The following HERC6 variants were observed in gnomAD, a reference collection of about 807,000 sequenced individuals.
HERC6 encodes probable E3 ubiquitin-protein ligase HERC6.
Under a neutral mutation model 114.5 loss-of-function variants are expected in HERC6, and 101 were observed. The ratio of observed to expected loss-of-function variants is 0.88; its 90% CI spans 0.75 to 1.04. HERC6 has a LOEUF of 1.04. Ranked by LOEUF, HERC6 falls within the 50% of genes least tolerant of loss-of-function variation. HERC6 has a pLI of 0.00. For missense variants in HERC6, 1,133 were observed against 1,230.9 expected, an observed-to-expected ratio of 0.92 and a Z score of 1.19; for synonymous variants, 408 against 436.2, an observed-to-expected ratio of 0.94 and a Z score of 0.81.
intron 17 of HERC6, among the ~76,000 whole-genome samples, chr4:88,431,729 T>C (rs1738239238): frequency 6.6e-6 from 1 of 152,150 alleles, no homozygotes; most frequent in South Asian, 2.1e-4. Context: ...TACAGGCGTA[T>C]GTCACACCAG....
chr4:88,430,318 C>T (rs965632058), intron 16 of HERC6, among the ~76,000 whole-genome samples: 4 of 151,686 alleles, frequency 2.6e-5, no homozygotes, highest in African/African-American at 4.8e-5. Context: ...GGGCCAGGTG[C>T]GGTGGCTCAC....
At chr4:88,384,949 G>A (rs781708210) in intron 2 of HERC6, among the ~76,000 whole-genome samples, 1 of 152,076 alleles carries the variant, frequency 6.6e-6, no homozygotes, top group African/African-American at 2.4e-5. Context: ...CTTGAACCCG[G>A]GAGGAGGAGG....
chr4:88,392,357 A>C (rs1734967653), intron 4 of HERC6, among the ~76,000 whole-genome samples: 1 of 150,548 alleles, frequency 6.6e-6, no homozygotes, highest in African/African-American at 2.4e-5. Flanking sequence ...CTTGAAGCTT[A>C]GCTTTCTAGG....
At chr4:88,381,033 A>G (rs1734288942) in intron 1 of HERC6, among the ~76,000 whole-genome samples, 1 of 152,180 alleles carries the variant, frequency 6.6e-6, no homozygotes, top group East Asian at 1.9e-4. Flanking sequence ...ATTGCTGCAT[A>G]ACATTCTAAA....
rs116762586 is a variant in HERC6 at position 88,381,231 on chromosome 4, C to A, written c.200-1990C>A. Among the ~76,000 whole-genome samples the A allele has an allele frequency of 4.5e-3, 678 of 152,158 alleles. 6 individuals carry two copies. Among genetic ancestry groups the A allele is most frequent in the African/African-American group, 0.016 (649 of 41,510 alleles). On this transcript the variant is annotated intron_variant, in intron 1 of 22. Coordinates refer to ENST00000264346, the MANE Select transcript of HERC6 (RefSeq NM_017912.4). The stretch of plus-strand genomic sequence containing the variant: ...TTTTCCTCTACCCTCTTAGGTTCAG[C>A]GGCTGGGTCCTGCAAACTTAACTGA...
intron 17 of HERC6, 92 bp downstream of exon 17, chr4:88,431,397 G>T (rs1738191752): frequency 7.3e-7 from 1 of 1,374,748 alleles, no homozygotes; most frequent in Non-Finnish European, 9.9e-7. Context: ...GTAAAATTAG[G>T]TCATATAGAG....
At position 88,385,523 on chromosome 4, in the gene HERC6, A is replaced by G. The variant is rs1560532799; in HGVS notation, c.384A>G (p.Ile128Met). The G allele has an allele frequency of 6.7e-7, 1 of 1,486,046 alleles. No individual in the cohort carries two copies. The highest frequency in any genetic ancestry group is 2.5e-5 in the East Asian group (1 of 40,038). 92.1% of individuals were successfully genotyped at this position (1,486,046 alleles called of 1,614,324 possible). The stretch of plus-strand genomic sequence containing the variant: ...GGAAAATAATGACTCTGAATGATAT[A>G]AAAATAATACAAGTTTCCTGTGGAC... ...TPKKIMTLNDIKIIQVSCGHY... is the reference protein window; with the variant it reads ...TPKKIMTLNDMKIIQVSCGHY... Residue 128 changes from isoleucine to methionine, a missense_variant, in exon 3 of 23, where the codon ATA (isoleucine) becomes ATG (methionine). Physicochemically the swap from Ile to Met is conservative, Grantham distance 10. Coordinates refer to ENST00000264346, the MANE Select transcript of HERC6 (RefSeq NM_017912.4).
In HERC6 at chr4:88,435,721, C is replaced by G. The variant is rs201681179; in HGVS notation, c.2251-4C>G. On this transcript the variant is annotated splice_polypyrimidine_tract_variant and splice_region_variant and intron_variant, in intron 17 of 22. Transcript: ENST00000264346. ...ACCTTAGGGATTTTTTTCTTCTTTT[C>G]TAGCCTAAACCTGAGAAGAAAAGAT... The G allele has an allele frequency of 1.6e-5, 24 of 1,473,282 alleles. No individual in the cohort carries two copies. The East Asian group carries it at 4.9e-4, about 30-fold the overall frequency. 91.3% of individuals were successfully genotyped at this position (1,473,282 alleles called of 1,614,324 possible).
intron 13 of HERC6, among the ~76,000 whole-genome samples, chr4:88,421,824 T>C (rs7670637): frequency 0.41 from 61,801 of 152,056 alleles, 14,916 homozygotes; most frequent in East Asian, 0.69. Flanking sequence ...GAAATGATAT[T>C]TCCTTGTGAT....
rs2148891965 is a variant in HERC6, at chr4:88,404,886, C to T, written c.1103C>T (p.Ser368Phe). ...NFVTTHQDTS[S>F]TRAPGKTLPE... is the part of the protein sequence containing the mutation. ...CTTCCTTCCCTGAAGGATACTAGTT[C>T]CACACGTGCTCCCGGGAAAACCCTG... The change falls in exon 9 of 23, where the codon TCC becomes TTC. Residue 368 changes from serine to phenylalanine, a missense_variant. Coordinates refer to ENST00000264346, the MANE Select transcript of HERC6 (RefSeq NM_017912.4). The T allele has an allele frequency of 6.2e-7, 1 of 1,613,524 alleles. No individual in the cohort carries two copies. The highest frequency in any genetic ancestry group is 8.5e-7 in the Non-Finnish European group (1 of 1,179,598).
intron 8 of HERC6, chr4:88,398,975 G>T (rs935682348): frequency 1.3e-5 from 2 of 152,188 alleles, no homozygotes; most frequent in Non-Finnish European, 2.9e-5. Flanking sequence ...GTCCAACCCA[G>T]TAGCTTACAC....
intron 1 of HERC6, among the ~76,000 whole-genome samples, 193 bp downstream of exon 1, chr4:88,379,313 C>A (rs1262096246): frequency 6.6e-6 from 1 of 152,052 alleles, no homozygotes; most frequent in East Asian, 1.9e-4. Flanking sequence ...GCCTTGGATT[C>A]CTCGGGGCCC....
chr4:88,381,371 T>A (rs906944081), intron 1 of HERC6, among the ~76,000 whole-genome samples: 1 of 152,088 alleles, frequency 6.6e-6, no homozygotes, highest in Non-Finnish European at 1.5e-5. Flanking sequence ...TGCTTCGACT[T>A]AGGAGCTTGT....
At chr4:88,423,150 A>G (rs1349086755) in intron 13 of HERC6, among the ~76,000 whole-genome samples, 1 of 148,026 alleles carries the variant, frequency 6.8e-6, no homozygotes, top group East Asian at 2.0e-4. Flanking sequence ...TTGCTCCTGT[A>G]TATTTGTTTT....
At chr4:88,411,751 T>G (rs1312669773) in intron 11 of HERC6, among the ~76,000 whole-genome samples, 1 of 152,212 alleles carries the variant, frequency 6.6e-6, no homozygotes, top group African/African-American at 2.4e-5. Context: ...CATTCAGGGC[T>G]GAATCAGGCT....
At chr4:88,400,414 C>T (rs866690059) in intron 8 of HERC6, among the ~76,000 whole-genome samples, 1 of 152,154 alleles carries the variant, frequency 6.6e-6, no homozygotes, top group Non-Finnish European at 1.5e-5. Context: ...TCAGGCTGGT[C>T]TTGAACTCTT....
chr4:88,404,841 G>T, intron 8 of HERC6, 35 bp from the exon 9 acceptor site: 1 of 1,609,258 alleles, frequency 6.2e-7, no homozygotes, highest in Admixed American at 1.7e-5. Context: ...ACGTGTGTGT[G>T]TTCCTGATCA....
chr4:88,440,289 T>G, intron 22 of HERC6, 39 bp downstream of exon 22: 1 of 1,121,736 alleles, frequency 8.9e-7, no homozygotes, highest in Non-Finnish European at 1.3e-6. Context: ...TAATTATGTA[T>G]CTTTTAAAAA....
intron 12 of HERC6, among the ~76,000 whole-genome samples, chr4:88,413,950 T>G (rs1233075093): frequency 2.0e-5 from 3 of 152,142 alleles, no homozygotes; most frequent in Admixed American, 6.5e-5. Context: ...TACATCTAGG[T>G]GTGGTTACAT....
Sources: allele counts gnomAD v4.1 joint callset (sites outside exome capture counted in the v4.1 genomes callset), GRCh38; gene constraint gnomAD v4.1.1; transcripts MANE v1.5; gene names NCBI Gene and HGNC (gene_info 2026-07-23, HGNC 2026-07-21).